Variants in NRXN3 observed in about 807,000 individuals in gnomAD.
NRXN3 encodes neurexin 3, also known as neurexin III.
In NRXN3, 32 loss-of-function variants were observed where a neutral mutation model predicts 137.6. The ratio of observed to expected loss-of-function variants is 0.23; its 90% CI spans 0.18 to 0.31. The LOEUF (loss-of-function observed/expected upper bound fraction) is 0.31, where lower values mean the gene tolerates loss of function less well. NRXN3 is among the 10% of genes least tolerant of loss of function. The probability of loss-of-function intolerance (pLI) is 1.00; values close to 1 mark genes in which losing one functional copy is unlikely to be tolerated. For missense variants in NRXN3, 1,574 were observed against 2,062.5 expected (o/e 0.76, Z 4.59); for synonymous variants, 798 against 784.5 (o/e 1.02, Z -0.29).
chr14:79,706,692 T>C (rs1341229255), intron 19 of NRXN3, among the ~76,000 whole-genome samples: 1 of 152,156 alleles, frequency 6.6e-6, no homozygotes, highest in African/African-American at 2.4e-5. Context: ...TCCCCCCAGC[T>C]GCTCTCCGAT....
Position 79,379,971 on chromosome 14 carries a change from C to T in NRXN3, c.3263-87250C>T, listed in dbSNP as rs374977447. The stretch of plus-strand genomic sequence containing the variant: ...AGTGTATAGGTGGGAATCCCATAGA[C>T]CTAAAAAGAAAAACAATCTAGGATT... On this transcript the variant is annotated intron_variant, in intron 15 of 20. Transcript: ENST00000335750. Among the ~76,000 whole-genome samples the T allele has an allele frequency of 1.4e-4, 21 of 151,654 alleles. No individual in the cohort carries two copies. The East Asian group carries it at 4.1e-3, about 30-fold the overall frequency.
At chr14:79,506,361 A>G (rs2096878520) in intron 16 of NRXN3, among the ~76,000 whole-genome samples, 1 of 152,210 alleles carries the variant, frequency 6.6e-6, no homozygotes, top group Non-Finnish European at 1.5e-5. Flanking sequence ...GAAAGATCTC[A>G]AGAGAAAAGT....
intron 1 of NRXN3, among the ~76,000 whole-genome samples, chr14:78,232,852 C>G (rs1046248840): frequency 1.3e-5 from 2 of 152,158 alleles, no homozygotes; most frequent in African/African-American, 4.8e-5. Flanking sequence ...GCCCACTGGC[C>G]AGGGAGGAGG....
chr14:78,760,100 G>A (rs1173416808), intron 8 of NRXN3, among the ~76,000 whole-genome samples: 4 of 136,564 alleles, frequency 2.9e-5, no homozygotes, highest in South Asian at 5.1e-4. Flanking sequence ...GGAGTGCAAC[G>A]GAACAATCTT....
intron 15 of NRXN3, among the ~76,000 whole-genome samples, chr14:79,125,715 T>A (rs1206402511): frequency 1.3e-5 from 2 of 152,178 alleles, no homozygotes; most frequent in African/African-American, 4.8e-5. Flanking sequence ...TGAATTAGTC[T>A]TAGCCCAGTA....
chr14:79,486,193 A>C (rs1014644598), intron 16 of NRXN3, among the ~76,000 whole-genome samples: 1 of 152,148 alleles, frequency 6.6e-6, no homozygotes, highest in Non-Finnish European at 1.5e-5. Flanking sequence ...TAGTAAATTG[A>C]GTAACAGCCT....
At chr14:79,443,701 C>A (rs985451823) in intron 15 of NRXN3, among the ~76,000 whole-genome samples, 4 of 152,170 alleles carry the variant, frequency 2.6e-5, no homozygotes, top group African/African-American at 9.7e-5. Flanking sequence ...AATGAGGAAT[C>A]TTTGGGGCAA....
At chr14:78,289,782 CAG>C (rs2075609225) in intron 3 of NRXN3, among the ~76,000 whole-genome samples, 1 of 152,084 alleles carries the variant, frequency 6.6e-6, no homozygotes. Context: ...GGCGTGGTGG[CAG>C]ACACCTATAA....
intron 16 of NRXN3, among the ~76,000 whole-genome samples, chr14:79,592,161 AAATG>A (rs1230532772): frequency 1.3e-5 from 2 of 152,180 alleles, no homozygotes; most frequent in Non-Finnish European, 2.9e-5. Flanking sequence ...AATTTTATAA[AAATG>A]AAATGATATA....
chr14:79,686,111 G>A (rs191152387), intron 17 of NRXN3, among the ~76,000 whole-genome samples: 100 of 152,168 alleles, frequency 6.6e-4, no homozygotes, highest in Non-Finnish European at 8.8e-4. Flanking sequence ...GGCCAACACA[G>A]TGAAACCCCA....
chr14:79,465,595 T>A (rs1313591989), intron 15 of NRXN3, among the ~76,000 whole-genome samples: 11 of 152,226 alleles, frequency 7.2e-5, no homozygotes, highest in Non-Finnish European at 1.5e-4. Context: ...GTTAACTTTA[T>A]TATTTCTCAA....
intron 15 of NRXN3, among the ~76,000 whole-genome samples, chr14:79,257,068 G>A (rs948587456): frequency 1.3e-5 from 2 of 152,112 alleles, no homozygotes. Context: ...TCACAGCCTT[G>A]GGCCCTCTTT....
chr14:79,419,665 G>A (rs887393911), intron 15 of NRXN3, among the ~76,000 whole-genome samples: 2 of 152,130 alleles, frequency 1.3e-5, no homozygotes, highest in African/African-American at 2.4e-5. Flanking sequence ...AAGACAGAAA[G>A]TGAGGCATGT....
intron 4 of NRXN3, among the ~76,000 whole-genome samples, chr14:78,374,153 G>A (rs953005549): frequency 3.3e-5 from 5 of 152,104 alleles, no homozygotes; most frequent in African/African-American, 9.7e-5. Flanking sequence ...AACTAATACC[G>A]TAAATATTAT....
chr14:79,396,643 A>G (rs2095035042), intron 15 of NRXN3, among the ~76,000 whole-genome samples: 2 of 152,198 alleles, frequency 1.3e-5, no homozygotes, highest in Admixed American at 1.3e-4. Context: ...AGAGGCCAGG[A>G]AAATTTCTAC....
chr14:79,656,793 G>A (rs2098508494), intron 16 of NRXN3, among the ~76,000 whole-genome samples: 1 of 152,086 alleles, frequency 6.6e-6, no homozygotes, highest in Non-Finnish European at 1.5e-5. Flanking sequence ...TGCAGCCAGG[G>A]GAGAGGTGGA....
chr14:79,701,055 C>T (rs1450427185), intron 19 of NRXN3, among the ~76,000 whole-genome samples: 1 of 152,024 alleles, frequency 6.6e-6, no homozygotes, highest in Non-Finnish European at 1.5e-5. Flanking sequence ...ACTTTAGAGT[C>T]ATTTCACAAT....
intron 4 of NRXN3, among the ~76,000 whole-genome samples, chr14:78,612,527 T>C (rs912506179): frequency 2.6e-5 from 4 of 152,190 alleles, no homozygotes; most frequent in Admixed American, 2.6e-4. Flanking sequence ...CTGAGCCCCT[T>C]GAAAACATGT....
chr14:78,546,568 C>A (rs2096638502), intron 4 of NRXN3, among the ~76,000 whole-genome samples: 1 of 152,098 alleles, frequency 6.6e-6, no homozygotes, highest in African/African-American at 2.4e-5. Flanking sequence ...CCCGTCCCCA[C>A]CTTTAAAAAG....
Sources: allele counts gnomAD v4.1 joint callset (sites outside exome capture counted in the v4.1 genomes callset), GRCh38; gene constraint gnomAD v4.1.1; transcripts MANE v1.5; gene names NCBI Gene and HGNC (gene_info 2026-07-23, HGNC 2026-07-21).